MACROD2: variants seen among roughly 807,000 people sequenced by gnomAD.
MACROD2 encodes the protein mono-ADP ribosylhydrolase 2.
Under a neutral mutation model 70.4 loss-of-function variants are expected in MACROD2, and 36 were observed. That is an observed-to-expected ratio of 0.51 (90% confidence interval 0.39 to 0.68). The LOEUF is 0.68. Ranked by LOEUF, MACROD2 falls within the 30% of genes least tolerant of loss-of-function variation. The pLI is 0.00. For synonymous variants in MACROD2, 172 were observed against 178.8 expected, an observed-to-expected ratio of 0.96 and a Z score of 0.30; for missense variants, 496 against 538.4, an observed-to-expected ratio of 0.92 and a Z score of 0.78.
intron 5 of MACROD2, among the ~76,000 whole-genome samples, chr20:15,028,581 C>T (rs750060866): frequency 3.9e-5 from 6 of 152,118 alleles, no homozygotes; most frequent in Non-Finnish European, 8.8e-5. Flanking sequence ...GCTTCTGCAC[C>T]AACAGTTTGG....
At chr20:15,129,749 C>T (rs999974664) in intron 5 of MACROD2, among the ~76,000 whole-genome samples, 4 of 152,040 alleles carry the variant, frequency 2.6e-5, no homozygotes, top group African/African-American at 7.2e-5. Flanking sequence ...GGAAAACAGG[C>T]TCTTGGTGTC....
intron 6 of MACROD2, among the ~76,000 whole-genome samples, chr20:15,273,668 C>T (rs1021334583): frequency 2.0e-5 from 3 of 152,126 alleles, no homozygotes; most frequent in Non-Finnish European, 4.4e-5. Context: ...GCTAAGGTGA[C>T]TGAATTCCCC....
At chr20:15,685,174 T>G (rs2050210261) in intron 8 of MACROD2, among the ~76,000 whole-genome samples, 1 of 152,186 alleles carries the variant, frequency 6.6e-6, no homozygotes, top group Non-Finnish European at 1.5e-5. Context: ...AATACCCATA[T>G]TTATGAAAGG....
intron 5 of MACROD2, among the ~76,000 whole-genome samples, chr20:15,099,647 A>G (rs1296511298): frequency 6.6e-6 from 1 of 152,168 alleles, no homozygotes; most frequent in Non-Finnish European, 1.5e-5. Flanking sequence ...CTGTAAACAA[A>G]CACCTAAAAA....
At chr20:15,934,747 G>A (rs1463459956) in intron 11 of MACROD2, among the ~76,000 whole-genome samples, 1 of 152,064 alleles carries the variant, frequency 6.6e-6, no homozygotes, top group Admixed American at 6.6e-5. Context: ...ACCCAGGCTG[G>A]AGTGCAGTGG....
At chr20:15,537,479 T>TTC in intron 8 of MACROD2, among the ~76,000 whole-genome samples, 1 of 146,202 alleles carries the variant, frequency 6.8e-6, no homozygotes, top group South Asian at 2.3e-4. Context: ...TTTTTTTTTT[T>TTC]TTTTTTTTTT....
At chr20:14,181,092 G>GTC (rs947854602) in intron 3 of MACROD2, among the ~76,000 whole-genome samples, 11 of 148,656 alleles carry the variant, frequency 7.4e-5, no homozygotes, top group South Asian at 2.1e-4. Context: ...TTTAGACAGG[G>GTC]TCTCTCTCTC....
chr20:15,548,640 C>T (rs2048056164), intron 8 of MACROD2, among the ~76,000 whole-genome samples: 1 of 152,152 alleles, frequency 6.6e-6, no homozygotes, highest in African/African-American at 2.4e-5. Flanking sequence ...GTGATCCACC[C>T]ACCTTGGCCT....
chr20:15,994,801 A>G (rs1454210824), intron 15 of MACROD2, among the ~76,000 whole-genome samples: 1 of 152,076 alleles, frequency 6.6e-6, no homozygotes, highest in Non-Finnish European at 1.5e-5. Flanking sequence ...TTTTCACCTA[A>G]GTCATTGAAA....
At chr20:14,959,042 A>G (rs16995184) in intron 5 of MACROD2, among the ~76,000 whole-genome samples, 18,925 of 152,180 alleles carry the variant, frequency 0.12, 1,500 homozygotes, top group East Asian at 0.33. Flanking sequence ...AGCTGCTTGC[A>G]ACATGTAAAA....
intron 12 of MACROD2, among the ~76,000 whole-genome samples, chr20:15,964,273 T>G (rs968255219): frequency 6.6e-6 from 1 of 152,162 alleles, no homozygotes; most frequent in African/African-American, 2.4e-5. Flanking sequence ...CTGGGTGGCT[T>G]ATAAGCAAAA....
chr20:14,806,374 C>T (rs550408813), intron 5 of MACROD2, among the ~76,000 whole-genome samples: 50 of 152,144 alleles, frequency 3.3e-4, no homozygotes, highest in Non-Finnish European at 6.3e-4. Flanking sequence ...CTCCTCTAGC[C>T]AAGGGAAGTC....
intron 8 of MACROD2, among the ~76,000 whole-genome samples, chr20:15,733,156 G>T (rs1972066554): frequency 6.6e-6 from 1 of 152,008 alleles, no homozygotes; most frequent in Admixed American, 6.6e-5. Context: ...GTTTTTCATA[G>T]TATTCTTTTG....
At chr20:14,204,844 C>T (rs1180885839) in intron 3 of MACROD2, among the ~76,000 whole-genome samples, 1 of 152,042 alleles carries the variant, frequency 6.6e-6, no homozygotes. Context: ...TTCTAGTCAG[C>T]CTCTTGAACC....
chr20:15,357,798 C>A (rs954135543), intron 6 of MACROD2, among the ~76,000 whole-genome samples: 1 of 135,716 alleles, frequency 7.4e-6, no homozygotes, highest in Non-Finnish European at 1.6e-5. Flanking sequence ...TTCATTCATT[C>A]TTTTTTTTTT....
chr20:15,912,028 C>A (rs1414972552), intron 10 of MACROD2, among the ~76,000 whole-genome samples: 1 of 152,200 alleles, frequency 6.6e-6, no homozygotes, highest in African/African-American at 2.4e-5. Flanking sequence ...AACAAAACAA[C>A]AACAAAAATA....
intron 5 of MACROD2, among the ~76,000 whole-genome samples, chr20:14,753,635 CAG>C (rs537969059): frequency 1.0e-3 from 155 of 152,152 alleles, no homozygotes; most frequent in Admixed American, 1.6e-3. Flanking sequence ...GGAGAAAAAA[CAG>C]AGAACTCTTG....
At chr20:14,684,818 G>T in intron 4 of MACROD2, 25 bp from the exon 5 acceptor site, 1 of 1,580,768 alleles carries the variant, frequency 6.3e-7, no homozygotes, top group South Asian at 1.1e-5. Flanking sequence ...CCAAATATAA[G>T]CTAACTTTCT....
chr20:14,597,186 T>C (rs1352633700), intron 4 of MACROD2, among the ~76,000 whole-genome samples: 3 of 152,200 alleles, frequency 2.0e-5, no homozygotes, highest in African/African-American at 7.2e-5. Flanking sequence ...TTTCTGAGGA[T>C]GTAAGTGATG....
Sources: gnomAD v4.1 joint callset for allele counts (sites outside exome capture counted in the v4.1 genomes callset) on GRCh38, gnomAD v4.1.1 for gene constraint, MANE v1.5 for transcripts, NCBI Gene and HGNC (gene_info 2026-07-23, HGNC 2026-07-21) for gene names.